Variants in PTPRT observed in about 807,000 individuals in gnomAD.
The protein encoded by PTPRT is receptor-type tyrosine-protein phosphatase T.
PTPRT carries 56 observed loss-of-function variants against 176.8 expected under a neutral mutation model. The observed-to-expected ratio is 0.32, with a 90% CI of 0.26 to 0.40. The LOEUF is 0.40. PTPRT is among the 10% of genes least tolerant of loss of function. PTPRT has a pLI of 1.00. For synonymous variants in PTPRT, 783 were observed against 739.0 expected (o/e 1.06, Z -0.96); for missense variants, 1,540 against 1,908.2 (o/e 0.81, Z 3.60).
chr20:43,010,661 T>C (rs1985069478), intron 1 of PTPRT, among the ~76,000 whole-genome samples: 1 of 151,960 alleles, frequency 6.6e-6, no homozygotes, highest in Non-Finnish European at 1.5e-5. Context: ...CGCATTATCA[T>C]TGAACTTTGT....
At chr20:42,131,201 C>T (rs1988107564) in intron 18 of PTPRT, among the ~76,000 whole-genome samples, 1 of 152,158 alleles carries the variant, frequency 6.6e-6, no homozygotes, top group Admixed American at 6.5e-5. Flanking sequence ...GATTCTAGCC[C>T]CAGAGAGGAC....
At chr20:42,256,463 T>C (rs1310041707) in intron 13 of PTPRT, among the ~76,000 whole-genome samples, 1 of 151,110 alleles carries the variant, frequency 6.6e-6, no homozygotes, top group African/African-American at 2.4e-5. Context: ...GCGAGAAGCC[T>C]GGGGAGAAAC....
At chr20:42,904,685 C>T (rs1290132164) in intron 1 of PTPRT, among the ~76,000 whole-genome samples, 3 of 152,114 alleles carry the variant, frequency 2.0e-5, no homozygotes, top group Non-Finnish European at 2.9e-5. Context: ...CCAAATGTTG[C>T]ACTTCCCAAG....
chr20:42,278,585 T>A (rs1385120734), intron 13 of PTPRT, among the ~76,000 whole-genome samples: 4 of 152,012 alleles, frequency 2.6e-5, no homozygotes, highest in Admixed American at 2.6e-4. Flanking sequence ...CATCAGTGGG[T>A]AAGAGAACTT....
At chr20:42,401,133 T>TAATAAATAAATAAATAAATA (rs10608287) in intron 9 of PTPRT, among the ~76,000 whole-genome samples, 3 of 148,300 alleles carry the variant, frequency 2.0e-5, no homozygotes, top group African/African-American at 5.0e-5. Flanking sequence ...GTCAAAACAG[T>TAATAAATAAATAAATAAATA]AATAAATAAA....
intron 7 of PTPRT, among the ~76,000 whole-genome samples, chr20:42,576,731 C>A (rs187253814): frequency 6.6e-6 from 1 of 152,158 alleles, no homozygotes; most frequent in Non-Finnish European, 1.5e-5. Context: ...GGAACTAATA[C>A]GTTTACACAT....
intron 1 of PTPRT, among the ~76,000 whole-genome samples, chr20:43,066,544 G>A (rs917632614): frequency 3.3e-5 from 5 of 152,170 alleles, no homozygotes; most frequent in Middle Eastern, 3.2e-3. Flanking sequence ...GAAGAAGTAC[G>A]AGAGACAAAC....
chr20:42,908,655 G>T (rs2079508922), intron 1 of PTPRT, among the ~76,000 whole-genome samples: 2 of 152,086 alleles, frequency 1.3e-5, no homozygotes, highest in East Asian at 3.9e-4. Flanking sequence ...ACAAGTCATT[G>T]TTTATATAGA....
At chr20:42,091,482 C>G (rs528856260) in intron 27 of PTPRT, among the ~76,000 whole-genome samples, 1 of 152,052 alleles carries the variant, frequency 6.6e-6, no homozygotes, top group East Asian at 1.9e-4. Context: ...ATTAAAAATA[C>G]TTTGATAAAA....
intron 7 of PTPRT, among the ~76,000 whole-genome samples, chr20:42,520,841 G>GTATATAGATAGATAGATAGA (rs142205748): frequency 1.4e-5 from 2 of 143,818 alleles, no homozygotes; most frequent in African/African-American, 5.2e-5. Context: ...GGGTGTGTGT[G>GTATATAGATAGATAGATAGA]TAGATAGATA....
chr20:42,972,937 A>C (rs1289785861), intron 1 of PTPRT, among the ~76,000 whole-genome samples: 1 of 152,016 alleles, frequency 6.6e-6, no homozygotes, highest in Non-Finnish European at 1.5e-5. Flanking sequence ...TGGATATTTA[A>C]TTTTATTCTA....
chr20:42,556,056 A>T (rs754802801), intron 7 of PTPRT, among the ~76,000 whole-genome samples: 2 of 151,910 alleles, frequency 1.3e-5, no homozygotes, highest in Non-Finnish European at 2.9e-5. Flanking sequence ...AAGTGATGTA[A>T]CTCTCTCAAG....
At chr20:42,212,023 C>CCAATTTCCAATTGGAA (rs1555802421) in intron 15 of PTPRT, among the ~76,000 whole-genome samples, 3 of 144,412 alleles carry the variant, frequency 2.1e-5, no homozygotes, top group Non-Finnish European at 4.5e-5. Flanking sequence ...TGGAAAACAT[C>CCAATTTCCAATTGGAA]ATTCTCAGTA....
chr20:42,170,549 T>C (rs1461525304), intron 16 of PTPRT, among the ~76,000 whole-genome samples: 1 of 152,130 alleles, frequency 6.6e-6, no homozygotes, highest in Non-Finnish European at 1.5e-5. Context: ...AATACCAGAA[T>C]TAAAATGGGC....
intron 1 of PTPRT, among the ~76,000 whole-genome samples, chr20:43,132,887 A>G (rs1046938257): frequency 1.3e-5 from 2 of 152,160 alleles, no homozygotes; most frequent in Non-Finnish European, 2.9e-5. Context: ...TATAGTTTAT[A>G]TGATATAATA....
intron 23 of PTPRT, among the ~76,000 whole-genome samples, chr20:42,108,203 CT>C (rs976254705): frequency 2.0e-5 from 3 of 152,168 alleles, no homozygotes; most frequent in Admixed American, 2.0e-4. Context: ...ATTTCTGATG[CT>C]TTTAACATAC....
intron 6 of PTPRT, among the ~76,000 whole-genome samples, chr20:42,732,305 C>A (rs57912123): frequency 0.01 from 1,554 of 152,316 alleles, 23 homozygotes; most frequent in African/African-American, 0.034. Context: ...CTCTATTAGG[C>A]AGCTCTGGTC....
chr20:42,922,170 G>A (rs554230392), intron 1 of PTPRT, among the ~76,000 whole-genome samples: 13 of 152,178 alleles, frequency 8.5e-5, no homozygotes, highest in East Asian at 1.9e-4. Context: ...TCCTGACCTC[G>A]TGATCCACCC....
chr20:42,796,368 C>T (rs2077453921), intron 2 of PTPRT, among the ~76,000 whole-genome samples: 1 of 152,196 alleles, frequency 6.6e-6, no homozygotes, highest in African/African-American at 2.4e-5. Flanking sequence ...TGTTGGATAG[C>T]ACTGGTCTTG....
Sources: gnomAD v4.1 joint callset for allele counts (sites outside exome capture counted in the v4.1 genomes callset) on GRCh38, gnomAD v4.1.1 for gene constraint, MANE v1.5 for transcripts, NCBI Gene and HGNC (gene_info 2026-07-23, HGNC 2026-07-21) for gene names.